ANK2: variants seen among roughly 807,000 people sequenced by gnomAD.
ANK2 encodes ankyrin-2.
Under a neutral mutation model 360.5 loss-of-function variants are expected in ANK2, and 83 were observed. That is an observed-to-expected ratio of 0.23 (90% CI 0.19 to 0.28). The LOEUF (loss-of-function observed/expected upper bound fraction) is 0.28, where lower values mean the gene tolerates loss of function less well. ANK2 is among the 10% of genes least tolerant of loss of function. The probability of loss-of-function intolerance (pLI) is 1.00; values close to 1 mark genes in which losing one functional copy is unlikely to be tolerated. For missense variants in ANK2, 4,201 were observed against 4,795.7 expected (o/e 0.88, Z 3.66); for synonymous variants, 1,740 against 1,759.5 (o/e 0.99, Z 0.28).
chr4:113,360,781 TCA>T, intron 38 of ANK2, 40 bp from the exon 39 acceptor site: 2 of 1,582,734 alleles, frequency 1.3e-6, no homozygotes, highest in Non-Finnish European at 1.7e-6. Flanking sequence ...TCCTCTCCTG[TCA>T]TAGACAACCT....
intron 1 of ANK2, among the ~76,000 whole-genome samples, chr4:113,156,504 G>A (rs1243355520): frequency 6.6e-6 from 1 of 151,566 alleles, no homozygotes; most frequent in East Asian, 1.9e-4. Flanking sequence ...CCAAGTAGCT[G>A]GGACTACAGG....
At chr4:113,112,798 G>A (rs182049557) in intron 1 of ANK2, among the ~76,000 whole-genome samples, 5 of 152,262 alleles carry the variant, frequency 3.3e-5, no homozygotes, top group Admixed American at 6.5e-5. Context: ...TATGAAAACC[G>A]CCTGTTTTGA....
chr4:113,184,683 G>GT (rs1276677016), intron 2 of ANK2, among the ~76,000 whole-genome samples: 20 of 151,878 alleles, frequency 1.3e-4, no homozygotes, highest in African/African-American at 4.3e-4. Context: ...CTCATATTCT[G>GT]TTTTATGGCT....
At chr4:113,193,852 C>T (rs1055761299) in intron 2 of ANK2, among the ~76,000 whole-genome samples, 1 of 152,110 alleles carries the variant, frequency 6.6e-6, no homozygotes, top group Admixed American at 6.5e-5. Flanking sequence ...ATTTTAATTG[C>T]CTTCTCCAAA....
chr4:112,945,930 G>A (rs567969569), intron 2 of ANK2, among the ~76,000 whole-genome samples: 3 of 152,308 alleles, frequency 2.0e-5, no homozygotes, highest in Admixed American at 2.0e-4. Flanking sequence ...GACTGGCACA[G>A]AGAAATACCT....
At chr4:112,737,399 T>C in the ANK2 span, among the ~76,000 whole-genome samples, 96,374 of 152,132 alleles carry the variant, frequency 0.63, 31,945 homozygotes, top group East Asian at 0.92. Flanking sequence ...TATTTTATTT[T>C]TGTGAAATGT....
rs1395457756 is a variant in ANK2 at position 113,035,123 on chromosome 4, G to C, written c.21+130609G>C. The stretch of plus-strand genomic sequence containing the variant: ...CTGTGGAAGAAATAACAGATACCAA[G>C]AGTGGCTTTCACTCAGAATAAAATG... On this transcript the variant is annotated intron_variant, in intron 2 of 30. Coordinates refer to the ANK2 transcript ENST00000503271. 7.9e-5 allele frequency among the ~76,000 whole-genome samples: 12 copies of C among 151,184 alleles called. 1 individual carries two copies. In the East Asian group the frequency reaches 2.3e-3, roughly 29 times the overall value.
chr4:113,287,726 T>C (rs753708716), intron 19 of ANK2, 23 bp downstream of exon 19: 1 of 1,575,092 alleles, frequency 6.3e-7, no homozygotes, highest in Non-Finnish European at 8.7e-7. Flanking sequence ...ACTCTCAGTA[T>C]TGTGACAGGT....
At chr4:113,194,754 A>G (rs2098723496) in intron 2 of ANK2, among the ~76,000 whole-genome samples, 1 of 152,190 alleles carries the variant, frequency 6.6e-6, no homozygotes, top group South Asian at 2.1e-4. Context: ...GCTCACAATA[A>G]GAGCTCAATA....
In ANK2 at chr4:113,208,302, G is replaced by A. The variant is rs1385721557; in HGVS notation, c.384+9193G>A. On this transcript the variant is annotated intron_variant, in intron 4 of 45. Coordinates refer to ENST00000357077, the MANE Select transcript of ANK2 (RefSeq NM_001148.6). The stretch of plus-strand genomic sequence containing the variant: ...AGAGGTGATGTTAGCTTGGAATGGA[G>A]TAGTAGTGGTCTGGATGATGGAGAA... 1.3e-5 allele frequency among the ~76,000 whole-genome samples: 2 copies of A among 151,880 alleles called. 1 individual carries two copies. Among genetic ancestry groups the A allele is most frequent in the African/African-American group, 4.9e-5 (2 of 41,188 alleles).
chr4:112,936,881 G>A (rs112971354), intron 2 of ANK2, among the ~76,000 whole-genome samples: 2,746 of 151,964 alleles, frequency 0.018, 52 homozygotes, highest in African/African-American at 0.048. Context: ...CTCAATCTCC[G>A]GGGCTCAAGT....
chr4:112,832,063 T>C (rs1222568342), intron 1 of ANK2, among the ~76,000 whole-genome samples: 1 of 152,094 alleles, frequency 6.6e-6, no homozygotes, highest in Non-Finnish European at 1.5e-5. Context: ...ACCCACCAAT[T>C]CCGGACACAA....
rs771955023 is a variant in ANK2, at chr4:112,997,801, TAC to T, written c.21+93299_21+93300del. Among the ~76,000 whole-genome samples the T allele has an allele frequency of 3.4e-3, 509 of 151,642 alleles. 3 individuals are homozygous for T. The highest frequency in any genetic ancestry group is 0.015 in the East Asian group (75 of 5,156). On this transcript the variant is annotated intron_variant, in intron 2 of 30. Transcript: ENST00000503271. Reference sequence around the variant, plus strand: ...TGTATACAAATGACTTAAACATATATACACACACACACATATATGCACATATA... The same window carrying T: ...TGTATACAAATGACTTAAACATATATACACACACACATATATGCACATATA...
At chr4:113,349,102 GGT>G (rs2154001891) in intron 36 of ANK2, among the ~76,000 whole-genome samples, 1 of 152,180 alleles carries the variant, frequency 6.6e-6, no homozygotes, top group South Asian at 2.1e-4. Context: ...ACACCTATGA[GGT>G]GTTTGTTATT....
the ANK2 span, among the ~76,000 whole-genome samples, chr4:112,801,817 T>C: frequency 2.0e-5 from 3 of 152,154 alleles, no homozygotes; most frequent in African/African-American, 4.8e-5. Flanking sequence ...TTCAGGACTC[T>C]ATTTTGAGAG....
In ANK2 at chr4:113,353,250, G is replaced by T. The variant is rs1225810825; in HGVS notation, c.4632G>T (p.Glu1544Asp). The T allele has an allele frequency of 6.2e-7, 1 of 1,614,028 alleles. No individual in the cohort carries two copies. Among genetic ancestry groups the T allele is most frequent in the Non-Finnish European group, 8.5e-7 (1 of 1,179,952 alleles). Reference protein sequence around the residue: ...VKELVKAAEEEPGEPFEIVER... With the variant: ...VKELVKAAEEDPGEPFEIVER... Reference sequence around the variant, plus strand: ...AGCTGGTGAAGGCTGCTGAGGAAGAGCCAGGAGAGCCTTTTGAAATCGTTG... The same window carrying T: ...AGCTGGTGAAGGCTGCTGAGGAAGATCCAGGAGAGCCTTTTGAAATCGTTG... Residue 1544 changes from glutamate to aspartate, a missense_variant, in exon 38 of 46, where the codon GAG becomes GAT. Glu to Asp is a conservative substitution (Grantham distance 45, BLOSUM62 2). Around this residue, in one of 4 missense-constraint regions of ANK2, gnomAD observed 1,268 missense variants for 1,650.8 expected, o/e 0.77. Transcript: ENST00000357077.
At chr4:113,101,075 C>T (rs950335808) in intron 1 of ANK2, among the ~76,000 whole-genome samples, 2 of 152,040 alleles carry the variant, frequency 1.3e-5, no homozygotes, top group African/African-American at 4.8e-5. Context: ...ATACATGACA[C>T]AATGTACTTG....
chr4:113,382,514 G>A lies in ANK2; in HGVS notation c.*1043G>A, dbSNP rs139776932. 2 of 152,706 alleles carry A rather than the reference G, an allele frequency of 1.3e-5. No homozygotes were observed. The highest frequency in any genetic ancestry group is 1.9e-4 in the East Asian group (1 of 5,186). The allele number at this position is 152,706 out of a possible 1,614,324, so 9.5% of individuals were successfully genotyped here. On this transcript the variant is annotated 3_prime_UTR_variant, in exon 46 of 46. Transcript: ENST00000357077. ...TTTCATTGCTGCTTTAGCAAACCAC[G>A]CTGTCTTACAGTGGTACTTTCTTCT...
chr4:113,211,536 AGTGTTTT>A (rs1264960627), intron 4 of ANK2, among the ~76,000 whole-genome samples: 2 of 152,186 alleles, frequency 1.3e-5, no homozygotes, highest in Non-Finnish European at 2.9e-5. Context: ...AAATGTAGAT[AGTGTTTT>A]AACTATTTTG....
Sources: gnomAD v4.1 joint callset for allele counts (sites outside exome capture counted in the v4.1 genomes callset) on GRCh38, gnomAD v4.1.1 for gene constraint, gnomAD v4.1.1 regional missense constraint, MANE v1.5 for transcripts, NCBI Gene and HGNC (gene_info 2026-07-23, HGNC 2026-07-21) for gene names.